The following ANKRD18B variants were observed in gnomAD, a reference collection of about 807,000 sequenced individuals.
ANKRD18B encodes ankyrin repeat domain-containing protein 18B.
Under a neutral mutation model 111.8 loss-of-function variants are expected in ANKRD18B, and 75 were observed. The ratio of observed to expected loss-of-function variants is 0.67; its 90% CI spans 0.56 to 0.81. The LOEUF (loss-of-function observed/expected upper bound fraction) is 0.81. ANKRD18B is among the 40% of genes least tolerant of loss of function. The pLI, the probability that ANKRD18B is intolerant of heterozygous loss-of-function variation, is 0.00. For synonymous variants in ANKRD18B, 356 were observed against 417.3 expected, an observed-to-expected ratio of 0.85 and a Z score of 1.79; for missense variants, 1,038 against 1,225.5, an observed-to-expected ratio of 0.85 and a Z score of 2.28.
At chr9:33,570,107 A>C (rs1277012605) in intron 17 of ANKRD18B, among the ~76,000 whole-genome samples, 4 of 152,252 alleles carry the variant, frequency 2.6e-5, no homozygotes, top group Admixed American at 2.6e-4. Flanking sequence ...TATATACCAA[A>C]TACTATGCAG....
chr9:33,531,552 G>A (rs1216248614), intron 3 of ANKRD18B, among the ~76,000 whole-genome samples: 1 of 150,116 alleles, frequency 6.7e-6, no homozygotes, highest in Non-Finnish European at 1.5e-5. Flanking sequence ...CTGCTGCGCA[G>A]AGGTTGCCCT....
chr9:33,573,504 A>T (rs1298272186), downstream of ANKRD18B, among the ~76,000 whole-genome samples: 5 of 144,876 alleles, frequency 3.5e-5, no homozygotes, highest in Non-Finnish European at 7.8e-5. Flanking sequence ...ACTCAGGAAT[A>T]GGGAAGATGG....
At chr9:33,558,264 A>T in intron 14 of ANKRD18B, 77 bp downstream of exon 14, 1 of 1,463,890 alleles carries the variant, frequency 6.8e-7, no homozygotes, top group Non-Finnish European at 9.2e-7. Context: ...ACATAGGTAA[A>T]TGTGTGCCAT....
In ANKRD18B at chr9:33,548,769, G is replaced by A; in HGVS notation, c.1981G>A (p.Glu661Lys). 1.3e-6 allele frequency: 2 copies of A among 1,548,496 alleles called. No homozygotes were observed. The highest frequency in any genetic ancestry group is 1.7e-6 in the Non-Finnish European group (2 of 1,145,702). Residue 661 changes from glutamate to lysine, a missense_variant, in exon 11 of 19, where the codon GAA (glutamate) becomes AAA (lysine). Around this residue, in one of 4 missense-constraint regions of ANKRD18B, gnomAD observed 524 missense variants for 677.9 expected, o/e 0.77. Coordinates refer to ENST00000684830, the MANE Select transcript of ANKRD18B (RefSeq NM_001393611.1). ...TGAGAATGGAAAGGAAGATCTTCTA[G>A]AAGAAAGAAATAAGGAATTAATGAA... ...CLENGKEDLL[E>K]ERNKELMNEY...
At chr9:33,573,952 G>A (rs1342328662), downstream of ANKRD18B, among the ~76,000 whole-genome samples, 2 of 143,830 alleles carry the variant, frequency 1.4e-5, 1 homozygote, top group Admixed American at 1.4e-4. Flanking sequence ...GGGCCTGATC[G>A]GTTGGAACAT....
rs1185976951 is a variant in ANKRD18B, at chr9:33,536,009, T to C, written c.741-869T>C. 2.0e-5 allele frequency among the ~76,000 whole-genome samples: 3 copies of C among 151,824 alleles called. No individual in the cohort carries two copies. In the East Asian group the frequency reaches 5.8e-4, roughly 29 times the overall value. On this transcript the variant is annotated intron_variant, in intron 5 of 18. Coordinates refer to ENST00000684830, the MANE Select transcript of ANKRD18B (RefSeq NM_001393611.1). ...TCTCTTTCATGGAACTGAAAAACAA[T>C]ACAAGCAGGGCTTTGTCTTGTATGC...
chr9:33,569,261 C>CTTTTTTTT (rs67285532), intron 17 of ANKRD18B: 1 of 98,466 alleles, frequency 1.0e-5, no homozygotes, highest in Non-Finnish European at 2.1e-5. Context: ...GTTCATATCA[C>CTTTTTTTT]TTTTTTTTTT....
intron 14 of ANKRD18B, among the ~76,000 whole-genome samples, chr9:33,563,458 C>T (rs1299263962): frequency 1.6e-4 from 24 of 152,080 alleles, no homozygotes; most frequent in African/African-American, 5.5e-4. Context: ...AACACCGACA[C>T]TGGCACTCCC....
intron 12 of ANKRD18B, among the ~76,000 whole-genome samples, chr9:33,551,117 C>T (rs1237413340): frequency 6.6e-6 from 1 of 152,172 alleles, no homozygotes; most frequent in Non-Finnish European, 1.5e-5. Context: ...CTTCATCTTC[C>T]TTTCATTTAA....
intron 10 of ANKRD18B, among the ~76,000 whole-genome samples, chr9:33,543,961 T>C (rs1180256851): frequency 6.6e-6 from 1 of 152,222 alleles, no homozygotes; most frequent in Non-Finnish European, 1.5e-5. Context: ...TATTACAGTA[T>C]AACATTTGAA....
Position 33,541,169 on chromosome 9 carries a change from A to T in ANKRD18B, c.1020A>T (p.Glu340Asp), listed in dbSNP as rs1563901877. Residue 340 changes from glutamate to aspartate, a missense_variant, in exon 9 of 19, where the codon GAA becomes GAT. Around this residue, in one of 4 missense-constraint regions of ANKRD18B, gnomAD observed 205 missense variants for 201.3 expected, o/e 1.02. Coordinates refer to ENST00000684830, the MANE Select transcript of ANKRD18B (RefSeq NM_001393611.1). ...CAGAAACAGCAGCTATGAAGCCTGA[A>T]AATTTGAAAAAAAGAAAAAAAAGAA... ...PCPETAAMKPENLKKRKKRKK... is the reference protein window; with the variant it reads ...PCPETAAMKPDNLKKRKKRKK... 1.3e-6 allele frequency: 2 copies of T among 1,544,748 alleles called. No homozygotes were observed. The highest frequency in any genetic ancestry group is 1.7e-6 in the Non-Finnish European group (2 of 1,145,458).
Position 33,558,089 on chromosome 9 carries a change from A to G in ANKRD18B, c.2362A>G (p.Met788Val). 1 of 1,609,194 alleles carries G rather than the reference A, an allele frequency of 6.2e-7. No homozygotes were observed. Among genetic ancestry groups the G allele is most frequent in the Non-Finnish European group, 8.5e-7 (1 of 1,177,326 alleles). ...GAAATGCCTAGAAATGACAATAAATATGTTAAATGCATTTGCAAATGAAGA... is the reference window on the plus strand; with the variant it reads ...GAAATGCCTAGAAATGACAATAAATGTGTTAAATGCATTTGCAAATGAAGA... ...YKKCLEMTIN[M>V]LNAFANEDFS... Residue 788 changes from methionine (M) to valine (V), a missense_variant, in exon 14 of 19, where the codon ATG (methionine) becomes GTG (valine). Coordinates refer to ENST00000684830, the MANE Select transcript of ANKRD18B (RefSeq NM_001393611.1).
At chr9:33,553,951 A>G (rs1331338008) in intron 12 of ANKRD18B, among the ~76,000 whole-genome samples, 1 of 151,698 alleles carries the variant, frequency 6.6e-6, no homozygotes, top group Non-Finnish European at 1.5e-5. Flanking sequence ...GTGCAACTGT[A>G]GCCCCAGCTA....
rs1828458674 is a variant in ANKRD18B at position 33,552,335 on chromosome 9, G to T, written c.2217+1756G>T. Among the ~76,000 whole-genome samples the T allele has an allele frequency of 2.0e-5, 3 of 152,166 alleles. No homozygotes were observed. The South Asian group carries it at 6.2e-4, about 31-fold the overall frequency. On this transcript the variant is annotated intron_variant, in intron 12 of 18. Coordinates refer to ENST00000684830, the MANE Select transcript of ANKRD18B (RefSeq NM_001393611.1). ...TGTATTTCTGGATGGTTGCCAGTTT[G>T]TCAGCTGAATAGTTCTGGCTGCAGC... is the stretch of plus-strand genomic sequence containing the variant.
intron 5 of ANKRD18B, among the ~76,000 whole-genome samples, chr9:33,535,438 A>G (rs1015123248): frequency 6.6e-6 from 1 of 151,936 alleles, no homozygotes; most frequent in Non-Finnish European, 1.5e-5. Flanking sequence ...GGCACCCGCC[A>G]CCATCCCTGG....
Position 33,524,265 on chromosome 9 carries a change from A to G in ANKRD18B, c.-225A>G, listed in dbSNP as rs1237083684. Reference sequence around the variant, plus strand: ...CTAACCGCTTTACTGGGCTCACTCTATCGAGAGGTCGGAGGCTGCGAGTGT... The same window carrying G: ...CTAACCGCTTTACTGGGCTCACTCTGTCGAGAGGTCGGAGGCTGCGAGTGT... On this transcript the variant is annotated 5_prime_UTR_variant, in exon 1 of 19. Transcript: ENST00000684830. 20 of 1,156,418 alleles carry G rather than the reference A, an allele frequency of 1.7e-5. No individual in the cohort carries two copies. The highest frequency in any genetic ancestry group is 2.2e-5 in the Non-Finnish European group (20 of 903,562). 71.6% of individuals were successfully genotyped at this position (1,156,418 alleles called of 1,614,324 possible).
At chr9:33,531,953 A>G (rs879703869) in intron 3 of ANKRD18B, among the ~76,000 whole-genome samples, 6 of 152,134 alleles carry the variant, frequency 3.9e-5, no homozygotes, top group Non-Finnish European at 7.4e-5. Flanking sequence ...TGCAAGTGAC[A>G]GCTGGATGCG....
chr9:33,573,638 G>A (rs375179941), downstream of ANKRD18B, among the ~76,000 whole-genome samples: 2 of 145,096 alleles, frequency 1.4e-5, no homozygotes, highest in African/African-American at 4.9e-5. Context: ...TGTCTTGGAG[G>A]AGAGGCCTTG....
chr9:33,524,649 C>T lies in ANKRD18B; in HGVS notation c.160C>T (p.Leu54=). 1.3e-6 allele frequency: 2 copies of T among 1,551,290 alleles called. No homozygotes were observed. The highest frequency in any genetic ancestry group is 1.7e-6 in the Non-Finnish European group (2 of 1,146,810). ...CGACGCCGCAGAGGTGGAGCACTGC[C>T]TGACGCGCAGGTTCCGGGACTTGGA... is the stretch of plus-strand genomic sequence containing the variant. ...KGDAAEVEHC[L]TRRFRDLDVR... Residue 54 remains leucine, a synonymous_variant, in exon 1 of 19, where the codon CTG becomes TTG. Coordinates refer to ENST00000684830, the MANE Select transcript of ANKRD18B (RefSeq NM_001393611.1).
Sources: allele counts gnomAD v4.1 joint callset (sites outside exome capture counted in the v4.1 genomes callset), GRCh38; gene constraint gnomAD v4.1.1; regional missense constraint gnomAD v4.1.1; transcripts MANE v1.5; gene names NCBI Gene and HGNC (gene_info 2026-07-23, HGNC 2026-07-21).